Variants in DPP8 observed in about 807,000 individuals in gnomAD.
DPP8 encodes the protein dipeptidyl peptidase 8.
DPP8 carries 31 observed loss-of-function variants against 107.5 expected under a neutral mutation model. The observed-to-expected ratio is 0.29, with a 90% CI of 0.22 to 0.39. DPP8 has a LOEUF of 0.39. DPP8 is among the 10% of genes least tolerant of loss of function. DPP8 has a pLI of 1.00. For missense variants in DPP8, 842 were observed against 1,076.1 expected, an observed-to-expected ratio of 0.78 and a Z score of 3.04; for synonymous variants, 381 against 356.6, an observed-to-expected ratio of 1.07 and a Z score of -0.77.
chr15:65,500,914 G>A lies in DPP8; in HGVS notation c.373-135C>T, dbSNP rs1440892897. On this transcript the variant is annotated intron_variant, in intron 3 of 19. Transcript: ENST00000300141. ...TTTTTTTGAGACAGAGTTTCACTCT[G>A]TCACCCAGGCTGGAGTGCAGTGGAG... 4 of 645,430 alleles carry A rather than the reference G, an allele frequency of 6.2e-6. No homozygotes were observed. In the African/African-American group the frequency reaches 7.1e-5, roughly 11 times the overall value. 40.0% of individuals were successfully genotyped at this position (645,430 alleles called of 1,614,324 possible). A position where few individuals can be genotyped will look rare whatever the true frequency, so the allele number is the denominator to read the frequency against.
rs1555468189 is a variant in DPP8 at position 65,499,105 on chromosome 15, G to GTGTGTGTGTGTGTGTGTGTGTATA, written c.547-1074_547-1073insTATACACACACACACACACACACA. Among the ~76,000 whole-genome samples the GTGTGTGTGTGTGTGTGTGTGTATA allele has an allele frequency of 1.5e-4, 21 of 138,824 alleles. 1 individual carries two copies. The highest frequency in any genetic ancestry group is 4.8e-4 in the African/African-American group (18 of 37,662). 91.1% of individuals were successfully genotyped at this position (138,824 alleles called of 152,430 possible). A position where few individuals can be genotyped will look rare whatever the true frequency, so the allele number is the denominator to read the frequency against. ...TGTGTGTGTGTGTGTGTGTGTGTGTGTATATATAAATTTATTAAGATGAAT... is the reference window on the plus strand; with the variant it reads ...TGTGTGTGTGTGTGTGTGTGTGTGTGTGTGTGTGTGTGTGTGTGTGTATATATATATAAATTTATTAAGATGAAT... On this transcript the variant is annotated intron_variant, in intron 4 of 19. Transcript: ENST00000300141.
At chr15:65,455,870 G>A (rs1048031238) in intron 16 of DPP8, 10 of 1,293,058 alleles carry the variant, frequency 7.7e-6, no homozygotes, top group Non-Finnish European at 1.0e-5. Context: ...TTGTCACAAG[G>A]AAGGCACTAA....
At chr15:65,508,438 G>A (rs985280834) in intron 2 of DPP8, among the ~76,000 whole-genome samples, 1 of 152,132 alleles carries the variant, frequency 6.6e-6, no homozygotes, top group Non-Finnish European at 1.5e-5. Context: ...TGTGATAACT[G>A]GATGGGAAGG....
chr15:65,512,248 T>C, intron 2 of DPP8, 47 bp downstream of exon 2: 1 of 1,551,776 alleles, frequency 6.4e-7, no homozygotes. Flanking sequence ...ACTTTAAGTT[T>C]GACTTAAGAG....
At chr15:65,462,656 C>T (rs1033618214) in intron 15 of DPP8, among the ~76,000 whole-genome samples, 6 of 151,812 alleles carry the variant, frequency 4.0e-5, no homozygotes, top group African/African-American at 1.5e-4. Context: ...CTCGGCTCAC[C>T]GCAACCTCTG....
At chr15:65,493,937 C>G (rs1253226289) in intron 5 of DPP8, among the ~76,000 whole-genome samples, 1 of 151,864 alleles carries the variant, frequency 6.6e-6, no homozygotes, top group African/African-American at 2.4e-5. Context: ...TCTATCTAAG[C>G]ACATACTTAC....
At chr15:65,495,676 G>A (rs1317727937) in intron 5 of DPP8, among the ~76,000 whole-genome samples, 1 of 151,382 alleles carries the variant, frequency 6.6e-6, no homozygotes, top group Non-Finnish European at 1.5e-5. Flanking sequence ...CGAGGTGGGT[G>A]TATCACGAGG....
intron 11 of DPP8, chr15:65,475,511 G>A (rs2066305484): frequency 1.4e-6 from 2 of 1,448,188 alleles, no homozygotes; most frequent in Admixed American, 1.7e-5. Context: ...CACATGACCT[G>A]CCATAAAGGC....
At chr15:65,500,296 T>C (rs1486058013) in intron 4 of DPP8, among the ~76,000 whole-genome samples, 2 of 151,988 alleles carry the variant, frequency 1.3e-5, no homozygotes, top group Non-Finnish European at 2.9e-5. Context: ...CGCATGCCTG[T>C]AGTCCCAGCT....
At chr15:65,489,842 C>G (rs538076545) in intron 6 of DPP8, among the ~76,000 whole-genome samples, 3 of 152,052 alleles carry the variant, frequency 2.0e-5, no homozygotes, top group Non-Finnish European at 4.4e-5. Context: ...TTCAGCCTCC[C>G]GCGTAGCTGG....
intron 4 of DPP8, among the ~76,000 whole-genome samples, 192 bp downstream of exon 4, chr15:65,500,414 G>C (rs2069093324): frequency 6.7e-6 from 1 of 149,684 alleles, no homozygotes; most frequent in South Asian, 2.1e-4. Flanking sequence ...GTGAAATTCT[G>C]TCTCAAAAAA....
intron 4 of DPP8, among the ~76,000 whole-genome samples, chr15:65,499,105 G>GTGTGTGTGTGTA (rs1555468189): frequency 0.014 from 1,925 of 138,716 alleles, 25 homozygotes; most frequent in Non-Finnish European, 0.019. Flanking sequence ...GTGTGTGTGT[G>GTGTGTGTGTGTA]TATATATAAA....
chr15:65,495,111 C>G (rs1395746415), intron 5 of DPP8, among the ~76,000 whole-genome samples: 2 of 152,176 alleles, frequency 1.3e-5, no homozygotes, highest in Non-Finnish European at 2.9e-5. Flanking sequence ...CTTCTTGACT[C>G]AGAACTTATG....
chr15:65,464,596 T>C (rs999881458), intron 14 of DPP8, among the ~76,000 whole-genome samples: 9 of 151,218 alleles, frequency 6.0e-5, no homozygotes, highest in Non-Finnish European at 1.0e-4. Context: ...GGCAGGAAGA[T>C]TGACTGAGCC....
intron 11 of DPP8, 96 bp downstream of exon 11, chr15:65,478,784 G>T: frequency 2.5e-6 from 2 of 811,270 alleles, no homozygotes; most frequent in East Asian, 2.8e-5. Flanking sequence ...AGCAAGTATT[G>T]ATGCTTATAA....
intron 6 of DPP8, among the ~76,000 whole-genome samples, chr15:65,488,788 A>G (rs2067702276): frequency 6.6e-6 from 1 of 152,136 alleles, no homozygotes; most frequent in African/African-American, 2.4e-5. Context: ...AAAAGTTTGA[A>G]GGCCATGCTT....
chr15:65,470,467 T>G (rs1369509343), intron 12 of DPP8, among the ~76,000 whole-genome samples: 1 of 149,860 alleles, frequency 6.7e-6, no homozygotes, highest in Admixed American at 6.7e-5. Context: ...TTAGCCAGGC[T>G]TGGTGGCAGG....
intron 13 of DPP8, 75 bp downstream of exon 13, chr15:65,466,996 C>T (rs2065418267): frequency 1.3e-6 from 2 of 1,553,980 alleles, no homozygotes; most frequent in African/African-American, 2.7e-5. Context: ...GCCAATTTCA[C>T]ATCATTCAAA....
intron 8 of DPP8, among the ~76,000 whole-genome samples, chr15:65,482,850 A>G (rs1223378464): frequency 6.6e-6 from 1 of 152,054 alleles, no homozygotes; most frequent in Non-Finnish European, 1.5e-5. Flanking sequence ...TAATCCCAGC[A>G]CTTTGAGAGG....
Sources: gnomAD v4.1 joint callset for allele counts (sites outside exome capture counted in the v4.1 genomes callset) on GRCh38, gnomAD v4.1.1 for gene constraint, MANE v1.5 for transcripts, NCBI Gene and HGNC (gene_info 2026-07-23, HGNC 2026-07-21) for gene names.